Variants in IMMP2L observed in about 807,000 individuals in gnomAD.
The protein encoded by IMMP2L is mitochondrial inner membrane protease subunit 2.
In IMMP2L, 18 loss-of-function variants were observed where a neutral mutation model predicts 19.3. The observed-to-expected ratio is 0.93, with a 90% CI of 0.64 to 1.38. The LOEUF (loss-of-function observed/expected upper bound fraction) is 1.38. Ranked by LOEUF, IMMP2L falls within the 40% of genes most tolerant of loss-of-function variation. The probability of loss-of-function intolerance (pLI) is 0.00; values close to 1 mark genes in which losing one functional copy is unlikely to be tolerated. For synonymous variants in IMMP2L, 76 were observed against 73.0 expected, an observed-to-expected ratio of 1.04 and a Z score of -0.21; for missense variants, 233 against 218.2, an observed-to-expected ratio of 1.07 and a Z score of -0.43.
chr7:110,668,839 CT>C (rs1367034209), intron 5 of IMMP2L, among the ~76,000 whole-genome samples: 1 of 151,246 alleles, frequency 6.6e-6, no homozygotes, highest in East Asian at 1.9e-4. Context: ...TCCATAGTGT[CT>C]TGTCATGGAT....
intron 3 of IMMP2L, among the ~76,000 whole-genome samples, chr7:111,218,040 A>T (rs547629616): frequency 6.6e-6 from 1 of 152,200 alleles, no homozygotes; most frequent in African/African-American, 2.4e-5. Context: ...CATAAGAAGT[A>T]AAAATCAAAG....
rs1820842334 is a variant in IMMP2L at position 111,289,392 on chromosome 7, T to C, written c.239+197846A>G. On this transcript the variant is annotated intron_variant, in intron 3 of 5. Coordinates refer to ENST00000405709, the MANE Select transcript of IMMP2L (RefSeq NM_032549.4). ...AGGTAACAAACCTGCACATTCTGCA[T>C]ATGTACCCCAGAACTTAAAGTATAA... 2.0e-5 allele frequency among the ~76,000 whole-genome samples: 3 copies of C among 150,806 alleles called. No individual in the cohort carries two copies. In the Admixed American group the frequency reaches 2.0e-4, roughly 10 times the overall value.
chr7:111,002,333 G>A (rs1025350332), intron 3 of IMMP2L, among the ~76,000 whole-genome samples: 7 of 152,280 alleles, frequency 4.6e-5, no homozygotes, highest in African/African-American at 1.4e-4. Flanking sequence ...GTTAACTGAT[G>A]AGGATGATCA....
intron 3 of IMMP2L, among the ~76,000 whole-genome samples, chr7:111,279,065 T>A (rs1819413992): frequency 6.6e-6 from 1 of 152,200 alleles, no homozygotes; most frequent in Admixed American, 6.5e-5. Flanking sequence ...TCTGTGCAGT[T>A]TTGATAATCA....
chr7:110,968,023 T>G (rs770957667), intron 3 of IMMP2L, among the ~76,000 whole-genome samples: 6 of 152,034 alleles, frequency 3.9e-5, no homozygotes, highest in Non-Finnish European at 7.4e-5. Context: ...TACCCAAATT[T>G]TCCACTTGGT....
At chr7:110,780,397 A>T (rs1266055002) in intron 5 of IMMP2L, among the ~76,000 whole-genome samples, 1 of 151,718 alleles carries the variant, frequency 6.6e-6, no homozygotes, top group Non-Finnish European at 1.5e-5. Flanking sequence ...CAAGCATATT[A>T]CTTGAAAATA....
intron 5 of IMMP2L, among the ~76,000 whole-genome samples, chr7:110,776,082 A>G (rs925634155): frequency 6.6e-6 from 1 of 152,086 alleles, no homozygotes; most frequent in African/African-American, 2.4e-5. Flanking sequence ...AAAATAATTC[A>G]TAATAAACAG....
At chr7:110,841,907 T>TA (rs1382253360) in intron 5 of IMMP2L, among the ~76,000 whole-genome samples, 1 of 152,120 alleles carries the variant, frequency 6.6e-6, no homozygotes, top group Non-Finnish European at 1.5e-5. Flanking sequence ...TAAATATGTC[T>TA]AAGTTAAAAT....
intron 3 of IMMP2L, among the ~76,000 whole-genome samples, chr7:111,484,861 A>G (rs1842490846): frequency 6.6e-6 from 1 of 152,156 alleles, no homozygotes; most frequent in Non-Finnish European, 1.5e-5. Flanking sequence ...ATCACAGATT[A>G]CTGCAGTCTC....
intron 2 of IMMP2L, among the ~76,000 whole-genome samples, chr7:111,517,056 A>C (rs1352271794): frequency 1.3e-5 from 2 of 152,250 alleles, no homozygotes; most frequent in East Asian, 3.9e-4. Context: ...AGAGTTCAAA[A>C]TAAGTTACAA....
chr7:111,091,529 T>A (rs1209073721), intron 3 of IMMP2L: 1 of 152,164 alleles, frequency 6.6e-6, no homozygotes, highest in African/African-American at 2.4e-5. Flanking sequence ...CACATATATT[T>A]TAAAATACGT....
chr7:111,479,045 C>A (rs1841963039), intron 3 of IMMP2L, among the ~76,000 whole-genome samples: 1 of 152,112 alleles, frequency 6.6e-6, no homozygotes, highest in South Asian at 2.1e-4. Context: ...TAGGATATAG[C>A]CCCACAAGAA....
chr7:110,673,101 T>C (rs893898235), intron 5 of IMMP2L, among the ~76,000 whole-genome samples: 10 of 152,184 alleles, frequency 6.6e-5, no homozygotes, highest in African/African-American at 2.2e-4. Flanking sequence ...TTCCTGGACA[T>C]CCAGGCATTT....
chr7:111,507,505 G>GT (rs1422875030), intron 2 of IMMP2L, among the ~76,000 whole-genome samples: 1 of 152,058 alleles, frequency 6.6e-6, no homozygotes, highest in Admixed American at 6.6e-5. Context: ...CCAGTCCGCA[G>GT]TAACAGATAC....
At chr7:111,003,341 T>C (rs532271289) in intron 3 of IMMP2L, among the ~76,000 whole-genome samples, 43 of 152,288 alleles carry the variant, frequency 2.8e-4, no homozygotes, top group South Asian at 1.2e-3. Flanking sequence ...GCTATCTGTT[T>C]ATGAATTATT....
intron 3 of IMMP2L, among the ~76,000 whole-genome samples, chr7:111,404,501 T>A (rs1833745887): frequency 6.6e-6 from 1 of 152,140 alleles, no homozygotes; most frequent in South Asian, 2.1e-4. Context: ...GACTTTTAAA[T>A]GCTTTCTGGA....
At chr7:111,304,922 G>C (rs1192140448) in intron 3 of IMMP2L, among the ~76,000 whole-genome samples, 1 of 151,966 alleles carries the variant, frequency 6.6e-6, no homozygotes, top group Non-Finnish European at 1.5e-5. Flanking sequence ...CTGATCAAAG[G>C]AAAGTCTCGG....
intron 3 of IMMP2L, among the ~76,000 whole-genome samples, chr7:111,027,895 A>T (rs73201039): frequency 6.6e-6 from 1 of 152,270 alleles, no homozygotes; most frequent in Non-Finnish European, 1.5e-5. Flanking sequence ...GTTTATAATC[A>T]CAAAAGCTTG....
At chr7:110,751,251 G>T (rs1363616939) in intron 5 of IMMP2L, among the ~76,000 whole-genome samples, 1 of 151,000 alleles carries the variant, frequency 6.6e-6, no homozygotes, top group Non-Finnish European at 1.5e-5. Context: ...TATTTACAAA[G>T]CAAATCTCAT....
Sources: gnomAD v4.1 joint callset for allele counts (sites outside exome capture counted in the v4.1 genomes callset) on GRCh38, gnomAD v4.1.1 for gene constraint, MANE v1.5 for transcripts, NCBI Gene and HGNC (gene_info 2026-07-23, HGNC 2026-07-21) for gene names.